PTPRM: variants seen among roughly 807,000 people sequenced by gnomAD.
The protein encoded by PTPRM is protein tyrosine phosphatase receptor type M.
Under a neutral mutation model 186.7 loss-of-function variants are expected in PTPRM, and 47 were observed. The ratio of observed to expected loss-of-function variants is 0.25; its 90% CI spans 0.20 to 0.32. The LOEUF (loss-of-function observed/expected upper bound fraction) is 0.32, where lower values mean the gene tolerates loss of function less well. Among genes scored for constraint, PTPRM ranks in the 10% least tolerant of loss-of-function variants. The pLI, the probability that PTPRM is intolerant of heterozygous loss-of-function variation, is 1.00. For synonymous variants in PTPRM, 668 were observed against 674.9 expected (o/e 0.99, Z 0.16); for missense variants, 1,494 against 1,865.0 (o/e 0.80, Z 3.66).
At chr18:8,200,375 A>G (rs1400543842) in intron 14 of PTPRM, among the ~76,000 whole-genome samples, 1 of 150,824 alleles carries the variant, frequency 6.6e-6, no homozygotes. Flanking sequence ...CGACCCTGCT[A>G]GATTAGCCTG....
chr18:8,299,553 C>G (rs1179489721), intron 20 of PTPRM, among the ~76,000 whole-genome samples: 1 of 151,380 alleles, frequency 6.6e-6, no homozygotes, highest in Non-Finnish European at 1.5e-5. Context: ...CCACTGCACT[C>G]CAGCCTGGGC....
intron 22 of PTPRM, among the ~76,000 whole-genome samples, chr18:8,334,525 T>C (rs1429286838): frequency 6.6e-6 from 1 of 152,238 alleles, no homozygotes; most frequent in Non-Finnish European, 1.5e-5. Flanking sequence ...GCCACATTGC[T>C]GCTGTCTGTT....
rs143468955 is a variant in PTPRM, at chr18:7,691,156, T to G, written c.74-82993T>G. On this transcript the variant is annotated intron_variant, in intron 1 of 32. Transcript: ENST00000580170. Reference sequence around the variant, plus strand: ...AAGACCTTGCATTATTCTAACCAACTTCTTTATAGGGAAATATATGTAAAT... The same window carrying G: ...AAGACCTTGCATTATTCTAACCAACGTCTTTATAGGGAAATATATGTAAAT... Among the ~76,000 whole-genome samples, 28 of 152,286 alleles carry G rather than the reference T, an allele frequency of 1.8e-4. 1 individual carries two copies. The East Asian group carries it at 5.2e-3, about 28-fold the overall frequency.
At chr18:7,753,850 T>C (rs1460224533) in intron 1 of PTPRM, among the ~76,000 whole-genome samples, 2 of 152,158 alleles carry the variant, frequency 1.3e-5, no homozygotes, top group African/African-American at 4.8e-5. Context: ...AATTCTATTT[T>C]TTTTTTGGCT....
intron 11 of PTPRM, among the ~76,000 whole-genome samples, chr18:8,094,194 A>G (rs529340717): frequency 8.5e-5 from 13 of 152,276 alleles, no homozygotes; most frequent in African/African-American, 2.9e-4. Flanking sequence ...AAACCTTGCA[A>G]TGCAAAGTTT....
chr18:8,253,536 G>C (rs184250357), intron 19 of PTPRM, 122 bp downstream of exon 19: 5 of 926,396 alleles, frequency 5.4e-6, no homozygotes, highest in Non-Finnish European at 7.3e-6. Flanking sequence ...GCCAGAAAGA[G>C]ATGAAGTACA....
intron 9 of PTPRM, 143 bp from the exon 10 acceptor site, chr18:8,085,528 A>T: frequency 1.4e-6 from 1 of 709,906 alleles, no homozygotes; most frequent in Non-Finnish European, 2.3e-6. Flanking sequence ...TCATCCCTTC[A>T]GTGGATTCAG....
chr18:8,323,959 A>G (rs912947484), intron 22 of PTPRM, among the ~76,000 whole-genome samples: 2 of 152,112 alleles, frequency 1.3e-5, no homozygotes, highest in Admixed American at 6.6e-5. Context: ...TTTACTCATG[A>G]ATTATAGTAA....
intron 1 of PTPRM, among the ~76,000 whole-genome samples, chr18:7,688,591 A>T (rs1028562449): frequency 6.6e-6 from 1 of 152,220 alleles, no homozygotes; most frequent in African/African-American, 2.4e-5. Flanking sequence ...CAAGGTCAGC[A>T]TGTGATGGGG....
intron 31 of PTPRM, among the ~76,000 whole-genome samples, chr18:8,392,218 C>T (rs1238604291): frequency 6.6e-6 from 1 of 152,006 alleles, no homozygotes; most frequent in Admixed American, 6.6e-5. Flanking sequence ...AAAAAAGCAG[C>T]TGTAAGAAAC....
chr18:8,315,106 G>C (rs887038822), intron 21 of PTPRM, among the ~76,000 whole-genome samples: 7 of 152,104 alleles, frequency 4.6e-5, no homozygotes, highest in African/African-American at 1.7e-4. Flanking sequence ...GTGAAGACAC[G>C]GTCACTCCTT....
chr18:8,164,543 G>A (rs992827646), intron 14 of PTPRM, among the ~76,000 whole-genome samples: 2 of 152,170 alleles, frequency 1.3e-5, no homozygotes, highest in Non-Finnish European at 2.9e-5. Flanking sequence ...CCTGACACAT[G>A]CTACAACATG....
intron 2 of PTPRM, among the ~76,000 whole-genome samples, chr18:7,859,214 A>G (rs1054760686): frequency 6.6e-6 from 1 of 152,198 alleles, no homozygotes; most frequent in African/African-American, 2.4e-5. Flanking sequence ...GATATATATG[A>G]TAAATATGTA....
chr18:7,918,666 G>C (rs2050697041), intron 4 of PTPRM, among the ~76,000 whole-genome samples: 1 of 152,132 alleles, frequency 6.6e-6, no homozygotes. Context: ...TTTTGCTTGA[G>C]TTATTTGAGC....
At chr18:7,805,574 T>C (rs1230397209) in intron 2 of PTPRM, among the ~76,000 whole-genome samples, 1 of 152,224 alleles carries the variant, frequency 6.6e-6, no homozygotes. Context: ...AAGCAATTTT[T>C]CTCAAGTATT....
chr18:7,922,297 GC>G (rs1216474573), intron 4 of PTPRM, among the ~76,000 whole-genome samples: 1 of 152,184 alleles, frequency 6.6e-6, no homozygotes, highest in African/African-American at 2.4e-5. Flanking sequence ...CATCCCTTTG[GC>G]CAAGTTACAG....
intron 1 of PTPRM, among the ~76,000 whole-genome samples, chr18:7,702,309 A>G (rs762101276): frequency 7.9e-5 from 12 of 152,178 alleles, no homozygotes; most frequent in Admixed American, 2.0e-4. Context: ...TCCCACCAAC[A>G]GTGTAAAAGC....
chr18:8,089,289 A>C (rs958488511), intron 11 of PTPRM, among the ~76,000 whole-genome samples: 32 of 152,208 alleles, frequency 2.1e-4, no homozygotes, highest in Non-Finnish European at 4.0e-4. Flanking sequence ...TTCTCAATAA[A>C]ATATGAGATG....
At chr18:7,816,549 T>C (rs1241463047) in intron 2 of PTPRM, among the ~76,000 whole-genome samples, 1 of 152,192 alleles carries the variant, frequency 6.6e-6, no homozygotes, top group Non-Finnish European at 1.5e-5. Flanking sequence ...TTCGTTAGTA[T>C]TGTGAGGTCA....
Sources: gnomAD v4.1 joint callset for allele counts (sites outside exome capture counted in the v4.1 genomes callset) on GRCh38, gnomAD v4.1.1 for gene constraint, MANE v1.5 for transcripts, NCBI Gene and HGNC (gene_info 2026-07-23, HGNC 2026-07-21) for gene names.